Variants in ARMC3 observed in about 807,000 individuals in gnomAD.
The protein encoded by ARMC3 is armadillo repeat-containing protein 3.
In ARMC3, 74 loss-of-function variants were observed where a neutral mutation model predicts 90.3. The observed-to-expected ratio is 0.82, with a 90% CI of 0.68 to 0.99. ARMC3 has a LOEUF of 0.99. Ranked by LOEUF, ARMC3 falls within the 50% of genes least tolerant of loss-of-function variation. The pLI, the probability that ARMC3 is intolerant of heterozygous loss-of-function variation, is 0.00. For synonymous variants in ARMC3, 334 were observed against 361.8 expected, an observed-to-expected ratio of 0.92 and a Z score of 0.87; for missense variants, 958 against 1,042.8, an observed-to-expected ratio of 0.92 and a Z score of 1.12.
intron 2 of ARMC3, among the ~76,000 whole-genome samples, chr10:22,940,563 T>G (rs1411972171): frequency 6.6e-6 from 1 of 152,092 alleles, no homozygotes; most frequent in Admixed American, 6.5e-5. Flanking sequence ...TGTAGCTCAC[T>G]GCAGCCTTGA....
At chr10:22,997,081 C>A (rs1837004517) in intron 10 of ARMC3, among the ~76,000 whole-genome samples, 1 of 152,268 alleles carries the variant, frequency 6.6e-6, no homozygotes, top group East Asian at 1.9e-4. Flanking sequence ...AATTTTGGGT[C>A]TCCCTTTAAA....
intron 10 of ARMC3, among the ~76,000 whole-genome samples, chr10:22,997,828 TAATA>T (rs1837064838): frequency 6.6e-6 from 1 of 152,136 alleles, no homozygotes; most frequent in Non-Finnish European, 1.5e-5. Context: ...ATAAAAATAA[TAATA>T]ATAATGGTTG....
At position 22,936,211 on chromosome 10, in the gene ARMC3, G is replaced by A. The variant is rs559007604; in HGVS notation, c.48+4167G>A. On this transcript the variant is annotated intron_variant, in intron 2 of 18. Coordinates refer to ENST00000298032, the MANE Select transcript of ARMC3 (RefSeq NM_173081.5). Reference sequence around the variant, plus strand: ...GTGGGTCACATCTGTAATCCCAGCAGTTTGGGAGGCTGAGGCGGGAGGATC... The same window carrying A: ...GTGGGTCACATCTGTAATCCCAGCAATTTGGGAGGCTGAGGCGGGAGGATC... Among the ~76,000 whole-genome samples, 7 of 152,222 alleles carry A rather than the reference G, an allele frequency of 4.6e-5. No individual in the cohort carries two copies. The South Asian group carries it at 1.5e-3, about 32-fold the overall frequency.
chr10:23,023,286 T>C (rs1838581627), intron 16 of ARMC3, among the ~76,000 whole-genome samples: 1 of 152,138 alleles, frequency 6.6e-6, no homozygotes, highest in Non-Finnish European at 1.5e-5. Flanking sequence ...GTACACTCAC[T>C]GAAAGTCTCT....
chr10:23,005,004 C>CAGG (rs140341551), intron 13 of ARMC3, among the ~76,000 whole-genome samples: 135,523 of 151,482 alleles, frequency 0.89, 61,096 homozygotes, highest in African/African-American at 0.97. Flanking sequence ...ATCACGAGGT[C>CAGG]AGATCGAGAC....
chr10:22,949,448 T>C (rs2131202806), intron 3 of ARMC3, among the ~76,000 whole-genome samples: 1 of 152,256 alleles, frequency 6.6e-6, no homozygotes. Context: ...CTTCTAGAGA[T>C]GAAAACTTCA....
intron 10 of ARMC3, chr10:22,997,177 T>C (rs1463739305): frequency 1.3e-5 from 2 of 152,202 alleles, no homozygotes; most frequent in Non-Finnish European, 2.9e-5. Context: ...TAAAGTATCT[T>C]CCACTCATTA....
intron 4 of ARMC3, among the ~76,000 whole-genome samples, chr10:22,958,460 G>A (rs146818020): frequency 4.4e-4 from 67 of 152,156 alleles, no homozygotes; most frequent in African/African-American, 9.6e-4. Context: ...ATAAATAAAC[G>A]TAGGGCACAG....
intron 2 of ARMC3, among the ~76,000 whole-genome samples, chr10:22,933,026 A>T (rs1833987099): frequency 6.6e-6 from 1 of 152,250 alleles, no homozygotes; most frequent in South Asian, 2.1e-4. Flanking sequence ...GGAAAATAAG[A>T]TCTATTATCA....
chr10:23,015,829 TA>T (rs1838245108), intron 16 of ARMC3, among the ~76,000 whole-genome samples: 1 of 152,222 alleles, frequency 6.6e-6, no homozygotes, highest in Non-Finnish European at 1.5e-5. Flanking sequence ...TAGTCACATG[TA>T]AACACCTTCT....
chr10:22,950,183 A>G (rs1834690117), intron 3 of ARMC3, among the ~76,000 whole-genome samples: 1 of 152,136 alleles, frequency 6.6e-6, no homozygotes, highest in Admixed American at 6.5e-5. Context: ...AGATGGAAAC[A>G]TGGATCTACA....
At position 23,038,415 on chromosome 10, in the gene ARMC3, C is replaced by T. The variant is rs942124920; in HGVS notation, c.*936C>T. The T allele has an allele frequency of 3.3e-5, 5 of 151,926 alleles. No individual in the cohort carries two copies. Among genetic ancestry groups the T allele is most frequent in the African/African-American group, 7.3e-5 (3 of 41,350 alleles). 9.4% of individuals were successfully genotyped at this position (151,926 alleles called of 1,614,324 possible). A position where few individuals can be genotyped will look rare whatever the true frequency, so the allele number is the denominator to read the frequency against. ...CCTGTATAGTCATTTTCCTAGAAGA[C>T]GTTTTAAAGTGAATTTGATTTTAGA... On this transcript the variant is annotated 3_prime_UTR_variant, in exon 19 of 19. Transcript: ENST00000298032.
At chr10:22,989,271 G>T (rs1836599162) in intron 10 of ARMC3, among the ~76,000 whole-genome samples, 1 of 152,192 alleles carries the variant, frequency 6.6e-6, no homozygotes, top group Non-Finnish European at 1.5e-5. Flanking sequence ...CTAAACGTGT[G>T]TTTAACAGAT....
chr10:23,002,483 C>T (rs1210035315), intron 12 of ARMC3, among the ~76,000 whole-genome samples: 1 of 152,158 alleles, frequency 6.6e-6, no homozygotes, highest in Non-Finnish European at 1.5e-5. Flanking sequence ...TTCTGTTGAC[C>T]AAAAGCAGAT....
At chr10:23,031,459 T>TACA (rs1838921242) in intron 17 of ARMC3, among the ~76,000 whole-genome samples, 4 of 151,470 alleles carry the variant, frequency 2.6e-5, no homozygotes, top group African/African-American at 9.8e-5. Context: ...TGCTGGCTTG[T>TACA]GCAACAGCTG....
chr10:22,978,407 C>G (rs1325590713), intron 8 of ARMC3, among the ~76,000 whole-genome samples: 1 of 152,186 alleles, frequency 6.6e-6, no homozygotes, highest in East Asian at 1.9e-4. Flanking sequence ...AACTAACTCA[C>G]TATCAGGAGA....
intron 4 of ARMC3, among the ~76,000 whole-genome samples, chr10:22,958,859 T>C (rs895873670): frequency 1.3e-5 from 2 of 152,076 alleles, no homozygotes; most frequent in African/African-American, 4.8e-5. Context: ...GTAGCTGGGA[T>C]TACAGATACA....
intron 16 of ARMC3, among the ~76,000 whole-genome samples, chr10:23,025,333 C>T (rs1007206986): frequency 4.6e-5 from 7 of 151,736 alleles, no homozygotes; most frequent in Non-Finnish European, 8.8e-5. Context: ...TGAAAATTCA[C>T]GAATACCCTG....
At position 23,002,070 on chromosome 10, in the gene ARMC3, T is replaced by A. The variant is rs2131424197; in HGVS notation, c.1562+15T>A. On this transcript the variant is annotated intron_variant, in intron 12 of 18. Coordinates refer to ENST00000298032, the MANE Select transcript of ARMC3 (RefSeq NM_173081.5). ...TGCAGGCTCGGGTGAGTGGATGCCATCTCAAGTTTCTGGCTCAGATGAAGA... is the reference window on the plus strand; with the variant it reads ...TGCAGGCTCGGGTGAGTGGATGCCAACTCAAGTTTCTGGCTCAGATGAAGA... 1 of 1,611,758 alleles carries A rather than the reference T, an allele frequency of 6.2e-7. No homozygotes were observed. The highest frequency in any genetic ancestry group is 1.7e-4 in the Middle Eastern group (1 of 5,836).
Sources: gnomAD v4.1 joint callset for allele counts (sites outside exome capture counted in the v4.1 genomes callset) on GRCh38, gnomAD v4.1.1 for gene constraint, MANE v1.5 for transcripts, NCBI Gene and HGNC (gene_info 2026-07-23, HGNC 2026-07-21) for gene names.